The following RGS10 variants were observed in gnomAD, a reference collection of about 807,000 sequenced individuals.
RGS10 encodes regulator of G-protein signalling 10.
In RGS10, 11 loss-of-function variants were observed where a neutral mutation model predicts 23.5. That is an observed-to-expected ratio of 0.47 (90% CI 0.29 to 0.77). RGS10 has a LOEUF of 0.77. Among genes scored for constraint, RGS10 ranks in the 30% least tolerant of loss-of-function variants. The probability of loss-of-function intolerance (pLI) is 0.08; values close to 1 mark genes in which losing one functional copy is unlikely to be tolerated. For synonymous variants in RGS10, 77 were observed against 83.2 expected (o/e 0.92, Z 0.41); for missense variants, 180 against 226.3 (o/e 0.80, Z 1.31).
intron 3 of RGS10, among the ~76,000 whole-genome samples, chr10:119,520,219 C>T (rs192004762): frequency 6.6e-6 from 1 of 152,272 alleles, no homozygotes; most frequent in Admixed American, 6.5e-5. Context: ...AGAAAATATC[C>T]AATAAATGAT....
chr10:119,534,355 G>A (rs1426764554), intron 1 of RGS10, among the ~76,000 whole-genome samples: 1 of 151,698 alleles, frequency 6.6e-6, no homozygotes, highest in Admixed American at 6.6e-5. Context: ...CACTTTGGGA[G>A]GCCGAGGCAG....
At chr10:119,515,386 G>A (rs549218777) in intron 4 of RGS10, 123 bp downstream of exon 4, 4 of 1,181,840 alleles carry the variant, frequency 3.4e-6, no homozygotes, top group Admixed American at 2.1e-5. Flanking sequence ...AGTGTACCTC[G>A]GTCTGCCCGG....
intron 1 of RGS10, among the ~76,000 whole-genome samples, chr10:119,529,567 A>G (rs1262572480): frequency 6.6e-6 from 1 of 152,196 alleles, no homozygotes; most frequent in Non-Finnish European, 1.5e-5. Context: ...CTCTTGGGTT[A>G]TCATAAGGAT....
intron 3 of RGS10, among the ~76,000 whole-genome samples, chr10:119,521,362 G>GGAGTTT (rs955299734): frequency 2.0e-5 from 3 of 152,106 alleles, no homozygotes. Flanking sequence ...CCTGAGGTCA[G>GGAGTTT]GAGTTTGAGA....
At chr10:119,536,436 A>G (rs763440113) in intron 1 of RGS10, 2 of 1,610,304 alleles carry the variant, frequency 1.2e-6, no homozygotes, top group Non-Finnish European at 1.7e-6. Flanking sequence ...AACTGCGGAC[A>G]TGGAAAGGGG....
chr10:119,515,394 C>G, intron 4 of RGS10, 115 bp downstream of exon 4: 1 of 1,292,482 alleles, frequency 7.7e-7, no homozygotes, highest in South Asian at 1.4e-5. Context: ...TCGGTCTGCC[C>G]GGCCGTATGA....
intron 4 of RGS10, among the ~76,000 whole-genome samples, chr10:119,506,789 C>T (rs1190889729): frequency 6.6e-6 from 1 of 152,234 alleles, no homozygotes; most frequent in Non-Finnish European, 1.5e-5. Flanking sequence ...CAACCTCCAA[C>T]TCCCTGATTC....
chr10:119,511,827 C>T (rs1210611394), intron 4 of RGS10, among the ~76,000 whole-genome samples: 2 of 152,094 alleles, frequency 1.3e-5, no homozygotes, highest in South Asian at 4.2e-4. Flanking sequence ...TGTGCTTGTA[C>T]TCAGTGTCAT....
At chr10:119,534,469 T>TA (rs2133960377) in intron 1 of RGS10, among the ~76,000 whole-genome samples, 2 of 146,520 alleles carry the variant, frequency 1.4e-5, no homozygotes, top group Non-Finnish European at 3.0e-5. Flanking sequence ...CACGTGCCTA[T>TA]AGTCTCAGCT....
At position 119,524,569 on chromosome 10, in the gene RGS10, G is replaced by A. The variant is rs770091538; in HGVS notation, c.255+1463C>T. 1.3e-5 allele frequency among the ~76,000 whole-genome samples: 2 copies of A among 152,084 alleles called. No homozygotes were observed. The highest frequency in any genetic ancestry group is 1.5e-5 in the Non-Finnish European group (1 of 68,030). On this transcript the variant is annotated intron_variant, in intron 3 of 4. Transcript: ENST00000369103. This position sits in a 1 kb window ranked among gnomAD's most constrained non-coding sequence, Gnocchi z 5.2. ...ATGGTGGTCCCCAGGCCCTGTCCTC[G>A]GTGCTGGAGACAAAGGACAACAATG...
chr10:119,526,086 ATT>A lies in RGS10; in HGVS notation c.199_200del (p.Asn67CysfsTer8). ...CTTCACATGCTAGCCAAAACAAAAC[ATT>A]TTCTTCACTGAATTCCTTTTTTAAA... ...EFLKKEFSEE[N>X]VLFWLACEDF... is the part of the protein sequence containing the mutation. On this transcript the variant is annotated frameshift_variant, in exon 3 of 5. Transcript: ENST00000369103. LOFTEE classifies it high-confidence loss of function. 1 of 1,580,616 alleles carries A rather than the reference ATT, an allele frequency of 6.3e-7. No homozygotes were observed. Among genetic ancestry groups the A allele is most frequent in the Non-Finnish European group, 8.6e-7 (1 of 1,160,304 alleles).
Position 119,526,087 on chromosome 10 carries a change from T to A in RGS10, c.200A>T (p.Asn67Ile). Residue 67 changes from asparagine to isoleucine, a missense_variant, in exon 3 of 5, where the codon AAT becomes ATT. Coordinates refer to ENST00000369103, the MANE Select transcript of RGS10 (RefSeq NM_001005339.2). ...TTCACATGCTAGCCAAAACAAAACA[T>A]TTTCTTCACTGAATTCCTTTTTTAA... ...EFLKKEFSEE[N>I]VLFWLACEDF... is the part of the protein sequence containing the mutation. The A allele has an allele frequency of 6.3e-7, 1 of 1,579,128 alleles. No individual in the cohort carries two copies. Among genetic ancestry groups the A allele is most frequent in the Non-Finnish European group, 8.6e-7 (1 of 1,158,940 alleles).
At chr10:119,512,874 A>G (rs1275750693) in intron 4 of RGS10, among the ~76,000 whole-genome samples, 1 of 152,192 alleles carries the variant, frequency 6.6e-6, no homozygotes, top group Non-Finnish European at 1.5e-5. Flanking sequence ...TTAACAACAG[A>G]GTATAACAGT....
Position 119,527,105 on chromosome 10 carries a change from A to C in RGS10, c.168+201T>G, listed in dbSNP as rs1844284042. Reference sequence around the variant, plus strand: ...CACAAAAACCAGAAACAGGCTACCCATCTGTGACAGCGTTGCCAACACAGT... The same window carrying C: ...CACAAAAACCAGAAACAGGCTACCCCTCTGTGACAGCGTTGCCAACACAGT... On this transcript the variant is annotated intron_variant, in intron 2 of 4. Transcript: ENST00000369103. The surrounding 1 kb of genome is among the most constrained non-coding windows in gnomAD (Gnocchi z 4.2). 6.6e-6 allele frequency among the ~76,000 whole-genome samples: 1 copy of C among 152,098 alleles called. No individual in the cohort carries two copies. Among genetic ancestry groups the C allele is most frequent in the Non-Finnish European group, 1.5e-5 (1 of 68,020 alleles).
intron 4 of RGS10, among the ~76,000 whole-genome samples, chr10:119,504,268 C>T (rs1047724119): frequency 2.0e-5 from 3 of 152,332 alleles, no homozygotes; most frequent in South Asian, 4.1e-4. Flanking sequence ...TGGCTCACTG[C>T]AAACTCCGCC....
Position 119,500,157 on chromosome 10 carries a change from CA to C in RGS10, c.501del (p.Asp167GlufsTer26). ...RTEEEEEDLP[D>X]AQTAAKRASR... ...GAAGCTCTTTTAGCTGCAGTTTGAG[CA>C]TCAGGCAAATCTTCTTCCTCTTCCT... On this transcript the variant is annotated frameshift_variant, in exon 5 of 5. Coordinates refer to ENST00000369103, the MANE Select transcript of RGS10 (RefSeq NM_001005339.2). LOFTEE classifies it high-confidence loss of function. The C allele has an allele frequency of 6.2e-7, 1 of 1,613,972 alleles. No individual in the cohort carries two copies. Among genetic ancestry groups the C allele is most frequent in the Non-Finnish European group, 8.5e-7 (1 of 1,179,992 alleles).
At chr10:119,502,942 G>T (rs3009907) in intron 4 of RGS10, among the ~76,000 whole-genome samples, 19,268 of 152,134 alleles carry the variant, frequency 0.13, 1,558 homozygotes, top group East Asian at 0.25. Flanking sequence ...CCTGGGCTGT[G>T]GGAAGCCTGA....
rs1844266994 is a variant in RGS10 at position 119,525,796 on chromosome 10, C to T, written c.255+236G>A. 1.3e-5 allele frequency among the ~76,000 whole-genome samples: 2 copies of T among 152,178 alleles called. 1 individual carries two copies. Among genetic ancestry groups the T allele is most frequent in the South Asian group, 4.1e-4 (2 of 4,832 alleles). On this transcript the variant is annotated intron_variant, in intron 3 of 4. Transcript: ENST00000369103. The stretch of plus-strand genomic sequence containing the variant: ...CTATGCAATGAGGAACTCTAAGTGA[C>T]ATAAATTGTTATTTTTATTTTAAAT...
intron 4 of RGS10, among the ~76,000 whole-genome samples, chr10:119,513,199 T>G (rs2991780): frequency 6.6e-6 from 1 of 152,208 alleles, no homozygotes; most frequent in South Asian, 2.1e-4. Flanking sequence ...GGCTCTTGCC[T>G]GTAATCCCAA....
Sources: gnomAD v4.1 joint callset for allele counts (sites outside exome capture counted in the v4.1 genomes callset) on GRCh38, gnomAD v4.1.1 for gene constraint, Gnocchi (gnomAD v3.1) non-coding constraint, MANE v1.5 for transcripts, NCBI Gene and HGNC (gene_info 2026-07-23, HGNC 2026-07-21) for gene names.